The following ASPRV1 variants were observed in gnomAD, a reference collection of about 807,000 sequenced individuals.
ASPRV1 encodes aspartic peptidase retroviral like 1.
A neutral mutation model predicts 11.0 loss-of-function variants in ASPRV1; 7 were observed. The ratio of observed to expected loss-of-function variants is 0.64; its 90% confidence interval spans 0.36 to 1.20. The LOEUF (loss-of-function observed/expected upper bound fraction) is 1.20, where lower values mean the gene tolerates loss of function less well. ASPRV1 is among the 50% of genes most tolerant of loss of function. ASPRV1 has a pLI of 0.02. For missense variants in ASPRV1, 299 were observed against 320.0 expected (o/e 0.93, Z 0.50); for synonymous variants, 136 against 138.4 (o/e 0.98, Z 0.12).
At chr2:69,957,190 C>CTTG (rs147818944), downstream of ASPRV1, among the ~76,000 whole-genome samples, 14 of 151,988 alleles carry the variant, frequency 9.2e-5, no homozygotes, top group East Asian at 1.9e-4. Context: ...AGAGAATGCC[C>CTTG]TTGTTGTTGT....
the ASPRV1 span, among the ~76,000 whole-genome samples, chr2:70,054,335 C>A: frequency 6.7e-6 from 1 of 148,632 alleles, no homozygotes; most frequent in East Asian, 2.0e-4. Flanking sequence ...CACCTGTAAT[C>A]CCAGCACTTT....
At chr2:69,945,041 C>T in the ASPRV1 span, among the ~76,000 whole-genome samples, 2 of 152,180 alleles carry the variant, frequency 1.3e-5, no homozygotes, top group Non-Finnish European at 2.9e-5. Context: ...GAGGGCCACA[C>T]CAAGGCTCTC....
the ASPRV1 span, among the ~76,000 whole-genome samples, chr2:69,980,048 G>A: frequency 2.0e-5 from 3 of 152,324 alleles, no homozygotes; most frequent in East Asian, 5.8e-4. Context: ...GAGCCTCATT[G>A]TCGCTGGGTT....
chr2:70,045,623 C>T, the ASPRV1 span: 1 of 152,130 alleles, frequency 6.6e-6, no homozygotes, highest in Non-Finnish European at 1.5e-5. Context: ...AACAACATTG[C>T]TGGGTTTCCA....
chr2:69,983,420 G>C, the ASPRV1 span, among the ~76,000 whole-genome samples: 1 of 152,202 alleles, frequency 6.6e-6, no homozygotes, highest in Non-Finnish European at 1.5e-5. Context: ...CTAGGGCATA[G>C]GGAATTCTGT....
chr2:69,991,606 G>A, the ASPRV1 span, among the ~76,000 whole-genome samples: 1 of 152,068 alleles, frequency 6.6e-6, no homozygotes, highest in African/African-American at 2.4e-5. Flanking sequence ...GGAGTGCAAT[G>A]GCCCAATCTC....
At chr2:69,953,622 A>T in the ASPRV1 span, among the ~76,000 whole-genome samples, 1 of 152,222 alleles carries the variant, frequency 6.6e-6, no homozygotes, top group Admixed American at 6.5e-5. Flanking sequence ...GGGTAAAAAG[A>T]GCTCACCAAA....
the ASPRV1 span, among the ~76,000 whole-genome samples, chr2:69,989,561 A>G: frequency 6.6e-6 from 1 of 152,220 alleles, no homozygotes; most frequent in African/African-American, 2.4e-5. Context: ...CAGCCCTGCC[A>G]GTCCTGGCCA....
downstream of ASPRV1, among the ~76,000 whole-genome samples, chr2:69,956,779 A>G (rs1677950940): frequency 6.6e-6 from 1 of 152,194 alleles, no homozygotes; most frequent in Non-Finnish European, 1.5e-5. Context: ...AAGTGATGAA[A>G]CAAGTCGGCA....
At chr2:69,936,522 T>C in the ASPRV1 span, among the ~76,000 whole-genome samples, 64 of 152,284 alleles carry the variant, frequency 4.2e-4, no homozygotes, top group African/African-American at 1.5e-3. Flanking sequence ...GTTGGACAAA[T>C]GTTACTTTAA....
At chr2:70,075,485 A>G in the ASPRV1 span, among the ~76,000 whole-genome samples, 1 of 152,192 alleles carries the variant, frequency 6.6e-6, no homozygotes, top group Admixed American at 6.5e-5. Flanking sequence ...CGGGGATAAG[A>G]GTCACCATGA....
the ASPRV1 span, among the ~76,000 whole-genome samples, chr2:70,047,259 G>T: frequency 6.6e-6 from 1 of 152,148 alleles, no homozygotes; most frequent in African/African-American, 2.4e-5. Flanking sequence ...TGGAAAACAG[G>T]CAAGATTCCA....
At chr2:69,994,646 T>C in the ASPRV1 span, among the ~76,000 whole-genome samples, 1 of 152,170 alleles carries the variant, frequency 6.6e-6, no homozygotes, top group Admixed American at 6.6e-5. Context: ...GGTTGTGACT[T>C]GCTACTGGGT....
In ASPRV1 at chr2:69,960,435, C is replaced by T; in HGVS notation, c.*222G>A. 1 of 539,584 alleles carries T rather than the reference C, an allele frequency of 1.9e-6. No individual in the cohort carries two copies. 33.4% of individuals were successfully genotyped at this position (539,584 alleles called of 1,614,324 possible). On this transcript the variant is annotated 3_prime_UTR_variant, in exon 1 of 1. Transcript: ENST00000320256. ...AGCTTGATGACCATGGGGACCCTGT[C>T]CCTCTAAGCCAGCCTGCTCTCCCTC...
chr2:70,049,454 G>A, the ASPRV1 span: 1 of 152,064 alleles, frequency 6.6e-6, no homozygotes, highest in African/African-American at 2.4e-5. Flanking sequence ...TTTTGAGTCA[G>A]AGGCAAGAAA....
downstream of ASPRV1, among the ~76,000 whole-genome samples, chr2:69,959,171 GA>G (rs557663868): frequency 7.2e-5 from 11 of 152,278 alleles, no homozygotes; most frequent in South Asian, 2.3e-3. Context: ...GGAACTTCAA[GA>G]GGCTCATTCC....
the ASPRV1 span, among the ~76,000 whole-genome samples, chr2:70,020,153 T>C: frequency 1.3e-5 from 2 of 152,086 alleles, no homozygotes; most frequent in African/African-American, 4.8e-5. Context: ...GAATGCAAAA[T>C]GGTGTAGCTG....
At chr2:69,998,078 C>T in the ASPRV1 span, 1 of 151,790 alleles carries the variant, frequency 6.6e-6, no homozygotes. Context: ...CTCCATACCC[C>T]TTTATAAAGC....
At chr2:70,074,230 T>G in the ASPRV1 span, among the ~76,000 whole-genome samples, 3 of 150,696 alleles carry the variant, frequency 2.0e-5, no homozygotes, top group Admixed American at 1.3e-4. Flanking sequence ...TTACTCTTAC[T>G]TCCTATGATC....
Sources: allele counts gnomAD v4.1 joint callset (sites outside exome capture counted in the v4.1 genomes callset), GRCh38; gene constraint gnomAD v4.1.1; transcripts MANE v1.5; gene names NCBI Gene and HGNC (gene_info 2026-07-23, HGNC 2026-07-21).